Variants in ZBTB32 observed in about 807,000 individuals in gnomAD.
ZBTB32 encodes zinc finger and BTB domain containing 32.
In ZBTB32, 28 loss-of-function variants were observed where a neutral mutation model predicts 45.3. The observed-to-expected ratio is 0.62, with a 90% CI of 0.46 to 0.85. ZBTB32 has a LOEUF of 0.85. Ranked by LOEUF, ZBTB32 falls within the 40% of genes least tolerant of loss-of-function variation. The pLI, the probability that ZBTB32 is intolerant of heterozygous loss-of-function variation, is 0.00. For synonymous variants in ZBTB32, 283 were observed against 255.7 expected, an observed-to-expected ratio of 1.11 and a Z score of -1.02; for missense variants, 587 against 624.4, an observed-to-expected ratio of 0.94 and a Z score of 0.64.
Position 35,716,590 on chromosome 19 carries a change from G to A in ZBTB32, c.1302G>A (p.Gly434=), listed in dbSNP as rs748539185. 6.2e-7 allele frequency: 1 copy of A among 1,613,198 alleles called. No individual in the cohort carries two copies. Among genetic ancestry groups the A allele is most frequent in the Admixed American group, 1.7e-5 (1 of 60,016 alleles). ...CTCCGTACCGCTGCTCCCTGTGCGG[G>A]GCCGGCTGTCCCAGCCTGGCCTCCA... ...GAAPYRCSLC[G]AGCPSLASMQ... is the part of the protein sequence containing the mutation. The change falls in exon 7 of 7, where the codon GGG becomes GGA. Residue 434 remains glycine, a synonymous_variant. Transcript: ENST00000392197.
chr19:35,710,482 A>G (rs1331486894), intron 1 of ZBTB32, among the ~76,000 whole-genome samples: 1 of 152,188 alleles, frequency 6.6e-6, no homozygotes, highest in East Asian at 1.9e-4. Context: ...TTTTAAGAAC[A>G]GCAACAGACC....
At chr19:35,707,369 CTTT>C (rs35043509) in intron 1 of ZBTB32, among the ~76,000 whole-genome samples, 1 of 119,664 alleles carries the variant, frequency 8.4e-6, no homozygotes, top group African/African-American at 3.2e-5. Flanking sequence ...CTACCATTTT[CTTT>C]TTTTTTTTTT....
At chr19:35,706,003 C>T (rs1366029147) in intron 1 of ZBTB32, among the ~76,000 whole-genome samples, 4 of 150,528 alleles carry the variant, frequency 2.7e-5, no homozygotes, top group Admixed American at 6.6e-5. Flanking sequence ...CCAAGGCGGG[C>T]GGATTACCTG....
At position 35,716,658 on chromosome 19, in the gene ZBTB32, C is replaced by G. The variant is rs376705072; in HGVS notation, c.1370C>G (p.Pro457Arg). Residue 457 changes from proline to arginine, a missense_variant, in exon 7 of 7, where the codon CCC becomes CGC. Transcript: ENST00000392197. ...GGTCACTCGCCCAGCCAACTCCCGC[C>G]CGGATGGACCATCCGCTCCACCTTC... Reference protein sequence around the residue: ...MRGHSPSQLPPGWTIRSTFLY... With the variant: ...MRGHSPSQLPRGWTIRSTFLY... 6.2e-7 allele frequency: 1 copy of G among 1,613,984 alleles called. No individual in the cohort carries two copies. Among genetic ancestry groups the G allele is most frequent in the Non-Finnish European group, 8.5e-7 (1 of 1,179,992 alleles).
chr19:35,716,954 T>C lies in ZBTB32; in HGVS notation c.*202T>C, dbSNP rs1055325233. The C allele has an allele frequency of 3.3e-6, 2 of 615,266 alleles. No individual in the cohort carries two copies. The highest frequency in any genetic ancestry group is 5.7e-6 in the Non-Finnish European group (2 of 351,004). 38.1% of individuals were successfully genotyped at this position (615,266 alleles called of 1,614,324 possible). On this transcript the variant is annotated 3_prime_UTR_variant, in exon 7 of 7. Coordinates refer to ENST00000392197, the MANE Select transcript of ZBTB32 (RefSeq NM_014383.3). ...AGCGAGCCCTACAGAGTGAGGACAC[T>C]GAAGTGTGCAGGAGCGAAGGTTAAC...
chr19:35,710,288 C>T (rs1281321188), intron 1 of ZBTB32, among the ~76,000 whole-genome samples: 1 of 152,156 alleles, frequency 6.6e-6, no homozygotes, highest in Non-Finnish European at 1.5e-5. Flanking sequence ...CACATACTCC[C>T]CTTCCAATCA....
rs776715940 is a variant in ZBTB32 at position 35,714,845 on chromosome 19, G to T, written c.219G>T (p.Gln73His). 1 of 1,611,900 alleles carries T rather than the reference G, an allele frequency of 6.2e-7. No homozygotes were observed. Among genetic ancestry groups the T allele is most frequent in the East Asian group, 2.2e-5 (1 of 44,866 alleles). ...GEGISPSTFA[Q>H]LLNFVYGESV... ...GCATCAGCCCTTCTACCTTTGCCCAGCTCCTGAACTTTGTGTATGGGGAGA... is the reference window on the plus strand; with the variant it reads ...GCATCAGCCCTTCTACCTTTGCCCATCTCCTGAACTTTGTGTATGGGGAGA... The change falls in exon 3 of 7, where the codon CAG becomes CAT. Residue 73 changes from glutamine to histidine, a missense_variant. Transcript: ENST00000392197.
chr19:35,708,587 A>T (rs1968606787), intron 1 of ZBTB32, among the ~76,000 whole-genome samples: 1 of 152,138 alleles, frequency 6.6e-6, no homozygotes, highest in South Asian at 2.1e-4. Flanking sequence ...ATGCAGTGAA[A>T]CCTGTTTTCC....
chr19:35,714,729 G>A lies in ZBTB32; in HGVS notation c.103G>A (p.Val35Ile), dbSNP rs564214684. 2.3e-5 allele frequency: 37 copies of A among 1,614,072 alleles called. No homozygotes were observed. Among genetic ancestry groups the A allele is most frequent in the African/African-American group, 2.7e-5 (2 of 75,070 alleles). ...AGCACTCTGTGATACTCTGATCACC[G>A]TAGGGAGCCAGGAGTTCCCCGCCCA... is the stretch of plus-strand genomic sequence containing the variant. Reference protein sequence around the residue: ...RPALCDTLITVGSQEFPAHSL... With the variant: ...RPALCDTLITIGSQEFPAHSL... Residue 35 changes from valine (V) to isoleucine (I), a missense_variant, in exon 3 of 7, where the codon GTA (valine) becomes ATA (isoleucine). Physicochemically the swap from Val to Ile is conservative, Grantham distance 29. Transcript: ENST00000392197.
chr19:35,712,024 CAAAAAA>C (rs773746029), intron 1 of ZBTB32, among the ~76,000 whole-genome samples: 23 of 54,824 alleles, frequency 4.2e-4, no homozygotes, highest in African/African-American at 1.2e-3. Context: ...GACTGCGTCT[CAAAAAA>C]AAAAAAAAAA....
intron 1 of ZBTB32, among the ~76,000 whole-genome samples, chr19:35,709,612 G>A (rs1968634732): frequency 2.6e-5 from 4 of 152,324 alleles, no homozygotes; most frequent in African/African-American, 9.6e-5. Context: ...CAGGCGTGGT[G>A]CCTCATGCCT....
chr19:35,711,675 G>A (rs1968696097), intron 1 of ZBTB32, among the ~76,000 whole-genome samples: 1 of 152,114 alleles, frequency 6.6e-6, no homozygotes, highest in Admixed American at 6.6e-5. Context: ...GCCAAAGGAA[G>A]AAACGGGAGC....
rs751404749 is a variant in ZBTB32, at chr19:35,716,753, C to T, written c.*1C>T. 6.3e-7 allele frequency: 1 copy of T among 1,598,510 alleles called. No homozygotes were observed. Among genetic ancestry groups the T allele is most frequent in the Non-Finnish European group, 8.6e-7 (1 of 1,167,522 alleles). ...TTGTCCTTCTTCCTCCACCACCTGA[C>T]GGGGTGTCGGTAGCGTCTTAGCCAA... On this transcript the variant is annotated 3_prime_UTR_variant, in exon 7 of 7. Coordinates refer to ENST00000392197, the MANE Select transcript of ZBTB32 (RefSeq NM_014383.3).
At chr19:35,709,891 A>G (rs1968644266) in intron 1 of ZBTB32, among the ~76,000 whole-genome samples, 1 of 151,098 alleles carries the variant, frequency 6.6e-6, no homozygotes, top group Non-Finnish European at 1.5e-5. Context: ...AAAAAAAAAA[A>G]TCAGATTTCA....
At position 35,714,696 on chromosome 19, in the gene ZBTB32, C is replaced by G. The variant is rs1968803419; in HGVS notation, c.70C>G (p.Leu24Val). ...TCGGCTGGTACAGCTAGCAGCCAGGCTCCGGCCAGCACTCTGTGATACTCT... is the reference window on the plus strand; with the variant it reads ...TCGGCTGGTACAGCTAGCAGCCAGGGTCCGGCCAGCACTCTGTGATACTCT... The part of the protein sequence containing the change: ...SDRLVQLAAR[L>V]RPALCDTLIT... Residue 24 changes from leucine (L) to valine (V), a missense_variant, in exon 3 of 7, where the codon CTC becomes GTC. Coordinates refer to ENST00000392197, the MANE Select transcript of ZBTB32 (RefSeq NM_014383.3). The G allele has an allele frequency of 6.2e-7, 1 of 1,609,398 alleles. No homozygotes were observed.
chr19:35,713,969 T>C (rs541717816), intron 2 of ZBTB32, among the ~76,000 whole-genome samples: 41 of 152,374 alleles, frequency 2.7e-4, no homozygotes, highest in African/African-American at 9.9e-4. Flanking sequence ...CCTGAGGATG[T>C]GTTCTAGAAG....
At position 35,716,870 on chromosome 19, in the gene ZBTB32, C is replaced by T; in HGVS notation, c.*118C>T. On this transcript the variant is annotated 3_prime_UTR_variant, in exon 7 of 7. Transcript: ENST00000392197. ...CTAGCAAATTCCGCCCCAGAAGCGC[C>T]CCAGGAAGGGCGCCGAGTGCCCTCT... The T allele has an allele frequency of 7.8e-7, 1 of 1,279,928 alleles. No individual in the cohort carries two copies. The highest frequency in any genetic ancestry group is 1.1e-6 in the Non-Finnish European group (1 of 937,428). 79.3% of individuals were successfully genotyped at this position (1,279,928 alleles called of 1,614,324 possible).
chr19:35,707,517 G>A (rs1185872503), intron 1 of ZBTB32, among the ~76,000 whole-genome samples: 4 of 151,688 alleles, frequency 2.6e-5, no homozygotes, highest in East Asian at 2.0e-4. Flanking sequence ...TTACAGGCAC[G>A]TGCCACCACG....
At chr19:35,711,278 C>T (rs1183611182) in intron 1 of ZBTB32, among the ~76,000 whole-genome samples, 1 of 152,202 alleles carries the variant, frequency 6.6e-6, no homozygotes, top group Non-Finnish European at 1.5e-5. Flanking sequence ...TCAGGGCTTT[C>T]CGCACTCCTT....
Sources: allele counts gnomAD v4.1 joint callset (sites outside exome capture counted in the v4.1 genomes callset), GRCh38; gene constraint gnomAD v4.1.1; transcripts MANE v1.5; gene names NCBI Gene and HGNC (gene_info 2026-07-23, HGNC 2026-07-21).